EP400: variants seen among roughly 807,000 people sequenced by gnomAD.
EP400 encodes E1A-binding protein p400.
A neutral mutation model predicts 354.1 loss-of-function variants in EP400; 105 were observed. The ratio of observed to expected loss-of-function variants is 0.30; its 90% CI spans 0.25 to 0.35. EP400 has a LOEUF of 0.35. Among genes scored for constraint, EP400 ranks in the 10% least tolerant of loss-of-function variants. The pLI is 1.00. For missense variants in EP400, 3,280 were observed against 4,121.0 expected (o/e 0.80, Z 5.59); for synonymous variants, 1,646 against 1,716.9 (o/e 0.96, Z 1.02).
At position 132,013,491 on chromosome 12, in the gene EP400, C is replaced by G; in HGVS notation, c.3613C>G (p.Gln1205Glu). 6.4e-7 allele frequency: 1 copy of G among 1,558,910 alleles called. No homozygotes were observed. The highest frequency in any genetic ancestry group is 1.2e-5 in the South Asian group (1 of 82,664). ...HWEAVFTLQS[Q>E]QRLLLIDSPL... is the part of the protein sequence containing the mutation. ...TGTTGTCTCTTGTCCTGTTTGCAGCCAACAACGTCTGCTTCTGATCGACTC... is the reference window on the plus strand; with the variant it reads ...TGTTGTCTCTTGTCCTGTTTGCAGCGAACAACGTCTGCTTCTGATCGACTC... The change falls in exon 18 of 53, where the codon CAA (glutamine) becomes GAA (glutamate). Residue 1205 changes from glutamine (Q) to glutamate (E), a missense_variant and splice_region_variant. Physicochemically the swap from Gln to Glu is conservative, Grantham distance 29 (BLOSUM62 2). Transcript: ENST00000389561. This position sits in a 1 kb window ranked among gnomAD's most constrained non-coding sequence, Gnocchi z 4.5.
chr12:131,995,935 C>T (rs1178918682), intron 12 of EP400, among the ~76,000 whole-genome samples: 2 of 146,250 alleles, frequency 1.4e-5, no homozygotes, highest in East Asian at 2.1e-4. Context: ...TTCATACGAA[C>T]GAATCCCACC....
intron 34 of EP400, 52 bp from the exon 35 acceptor site, chr12:132,044,125 T>G (rs1895004092): frequency 1.2e-6 from 2 of 1,600,282 alleles, no homozygotes; most frequent in Middle Eastern, 1.7e-4. Flanking sequence ...ACTCGGGGGC[T>G]GCTCTGAGCT....
rs1895264296 is a variant in EP400, at chr12:132,050,866, C to G, written c.7394+211C>G. On this transcript the variant is annotated intron_variant, in intron 41 of 52. Transcript: ENST00000389561. This position sits in a 1 kb window ranked among gnomAD's most constrained non-coding sequence, Gnocchi z 4.8. ...CGGCCCCTGCCCTGTCTCTGTGTTA[C>G]AGGGATTGTCCTTGCTGGCCCTCAG... 6 of 612,358 alleles carry G rather than the reference C, an allele frequency of 9.8e-6. No individual in the cohort carries two copies. The Admixed American group carries it at 1.4e-4, about 15-fold the overall frequency. The allele number at this position is 612,358 out of a possible 1,614,324, so 37.9% of individuals were successfully genotyped here. A position where few individuals can be genotyped will look rare whatever the true frequency, so the allele number is the denominator to read the frequency against.
intron 2 of EP400, among the ~76,000 whole-genome samples, chr12:131,966,903 CA>C (rs1179689543): frequency 2.0e-3 from 118 of 57,838 alleles, no homozygotes; most frequent in East Asian, 2.8e-3. Flanking sequence ...AGACTTGTCT[CA>C]AAAAAAAAAA....
chr12:132,076,736 A>T, intron 52 of EP400, 143 bp downstream of exon 52: 1 of 745,736 alleles, frequency 1.3e-6, no homozygotes, highest in Non-Finnish European at 2.2e-6. Context: ...AACTAGATAC[A>T]CTTAATAATG....
At chr12:131,982,003 C>T in intron 4 of EP400, 90 bp from the exon 5 acceptor site, 10 of 1,460,988 alleles carry the variant, frequency 6.8e-6, no homozygotes, top group Non-Finnish European at 8.2e-6. Flanking sequence ...TGGACAAGCA[C>T]TGGGGTGTTA....
At chr12:132,073,919 G>GGT (rs1896143100) in intron 51 of EP400, among the ~76,000 whole-genome samples, 16 of 82,134 alleles carry the variant, frequency 1.9e-4, no homozygotes, top group African/African-American at 5.1e-4. Flanking sequence ...GTTTTTTGGG[G>GGT]TTTTTTTTTT....
chr12:131,973,543 T>C (rs2136480918), intron 2 of EP400, among the ~76,000 whole-genome samples: 1 of 152,274 alleles, frequency 6.6e-6, no homozygotes, highest in African/African-American at 2.4e-5. Context: ...CTTGAGAGGC[T>C]GAGGCAGGAG....
At chr12:132,030,989 C>G (rs749837772) in intron 29 of EP400, among the ~76,000 whole-genome samples, 4 of 152,204 alleles carry the variant, frequency 2.6e-5, no homozygotes, top group Non-Finnish European at 5.9e-5. Context: ...CACACACACG[C>G]TCATGTACAC....
At chr12:132,064,008 G>T (rs1291695744) in intron 47 of EP400, among the ~76,000 whole-genome samples, 2 of 144,548 alleles carry the variant, frequency 1.4e-5, no homozygotes, top group Non-Finnish European at 3.0e-5. Context: ...CACCTGCCCC[G>T]GTTCAACCAC....
At chr12:131,957,291 C>G (rs1410880400) in intron 1 of EP400, among the ~76,000 whole-genome samples, 2 of 151,972 alleles carry the variant, frequency 1.3e-5, no homozygotes. Context: ...ATATTCTTTC[C>G]AAGATAATTT....
rs144614155 is a variant in EP400 at position 132,013,911 on chromosome 12, T to C, written c.3921T>C (p.Pro1307=). ...KALYEDVILQ[P]GTQEALKSGH... is the part of the protein sequence containing the mutation. ...TATACGAGGACGTTATCCTGCAACCTGGGTGAGTGTGGGCTCTGGGCATGT... is the reference window on the plus strand; with the variant it reads ...TATACGAGGACGTTATCCTGCAACCCGGGTGAGTGTGGGCTCTGGGCATGT... Residue 1307 remains proline, a splice_region_variant and synonymous_variant, in exon 19 of 53, where the codon CCT becomes CCC. Transcript: ENST00000389561. The surrounding 1 kb of genome is among the most constrained non-coding windows in gnomAD (Gnocchi z 4.5). 4.2e-5 allele frequency: 67 copies of C among 1,614,148 alleles called. No individual in the cohort carries two copies. The Admixed American group carries it at 4.8e-4, about 12-fold the overall frequency.
intron 29 of EP400, 99 bp from the exon 30 acceptor site, chr12:132,031,854 C>A (rs1162827614): frequency 1.1e-5 from 15 of 1,325,180 alleles, no homozygotes; most frequent in Non-Finnish European, 1.6e-5. Context: ...CACGCCCGGC[C>A]TGCTGTGGGA....
intron 47 of EP400, among the ~76,000 whole-genome samples, chr12:132,063,637 C>T (rs138018445): frequency 2.6e-3 from 393 of 152,250 alleles, no homozygotes; most frequent in Non-Finnish European, 4.2e-3. Context: ...TTGGGCCTGC[C>T]GGAGTGCTTG....
rs763769853 is a variant in EP400 at position 132,018,258 on chromosome 12, A to G, written c.4159A>G (p.Thr1387Ala). Reference sequence around the variant, plus strand: ...TCTCATCGGCTTAGAAAATAAAATCACTCGTCACGAGGCAGAGTTGCTGTC... The same window carrying G: ...TCTCATCGGCTTAGAAAATAAAATCGCTCGTCACGAGGCAGAGTTGCTGTC... ...FDLIGLENKITRHEAELLSKK... is the reference protein window; with the variant it reads ...FDLIGLENKIARHEAELLSKK... The change falls in exon 21 of 53, where the codon ACT (threonine) becomes GCT (alanine). Residue 1387 changes from threonine to alanine, a missense_variant. Thr to Ala is a moderately conservative substitution (Grantham distance 58). This residue lies in a region of EP400 where 342 missense variants were observed against 342.7 expected (regional missense o/e 1.00). Transcript: ENST00000389561. The surrounding 1 kb of genome is among the most constrained non-coding windows in gnomAD (Gnocchi z 4.0). The G allele has an allele frequency of 1.2e-6, 2 of 1,613,174 alleles. No homozygotes were observed. Among genetic ancestry groups the G allele is most frequent in the African/African-American group, 2.7e-5 (2 of 74,744 alleles).
intron 43 of EP400, 152 bp downstream of exon 43, chr12:132,053,749 T>G: frequency 1.1e-6 from 1 of 912,244 alleles, no homozygotes; most frequent in East Asian, 3.0e-5. Context: ...GGGAAAAGGC[T>G]TAGTCTCATC....
At chr12:131,954,225 TAAAA>T (rs573784636) in intron 1 of EP400, among the ~76,000 whole-genome samples, 1 of 143,090 alleles carries the variant, frequency 7.0e-6, no homozygotes, top group Non-Finnish European at 1.5e-5. Context: ...GTCTTAAAAT[TAAAA>T]AAAAAAAAAC....
At position 132,017,475 on chromosome 12, in the gene EP400, T is replaced by C. The variant is rs1411838025; in HGVS notation, c.3924-60T>C. ...GAGTTGGGACAGTCGATGGTGAGGGTGGGACTATGTCCATGTGCCGTTTGG... is the reference window on the plus strand; with the variant it reads ...GAGTTGGGACAGTCGATGGTGAGGGCGGGACTATGTCCATGTGCCGTTTGG... On this transcript the variant is annotated intron_variant, in intron 19 of 52. Coordinates refer to ENST00000389561, the MANE Select transcript of EP400 (RefSeq NM_015409.5). This position sits in a 1 kb window ranked among gnomAD's most constrained non-coding sequence, Gnocchi z 5.0. 1 of 1,565,600 alleles carries C rather than the reference T, an allele frequency of 6.4e-7. No individual in the cohort carries two copies. The highest frequency in any genetic ancestry group is 8.7e-7 in the Non-Finnish European group (1 of 1,146,132).
At position 132,050,205 on chromosome 12, in the gene EP400, G is replaced by T; in HGVS notation, c.7201-118G>T. On this transcript the variant is annotated intron_variant, in intron 39 of 52. Transcript: ENST00000389561. The surrounding 1 kb of genome is among the most constrained non-coding windows in gnomAD (Gnocchi z 4.8). ...TGGAAAGAAGGCCCAGGAAAAGGAA[G>T]TTTGTGTTCAGCCATGGGGAGTTTA... is the stretch of plus-strand genomic sequence containing the variant. 7.8e-7 allele frequency: 1 copy of T among 1,274,782 alleles called. No homozygotes were observed. 79.0% of individuals were successfully genotyped at this position (1,274,782 alleles called of 1,614,324 possible).
Sources: gnomAD v4.1 joint callset for allele counts (sites outside exome capture counted in the v4.1 genomes callset) on GRCh38, gnomAD v4.1.1 for gene constraint, gnomAD v4.1.1 regional missense constraint, Gnocchi (gnomAD v3.1) non-coding constraint, MANE v1.5 for transcripts, NCBI Gene and HGNC (gene_info 2026-07-23, HGNC 2026-07-21) for gene names.